TAF7: variants seen among roughly 807,000 people sequenced by gnomAD.
TAF7 encodes transcription initiation factor TFIID subunit 7.
In TAF7, 9 loss-of-function variants were observed where a neutral mutation model predicts 25.3. The observed-to-expected ratio is 0.36, with a 90% CI of 0.21 to 0.62. The LOEUF (loss-of-function observed/expected upper bound fraction) is 0.62. Ranked by LOEUF, TAF7 falls within the 20% of genes least tolerant of loss-of-function variation. TAF7 has a pLI of 0.72. For synonymous variants in TAF7, 127 were observed against 146.7 expected (o/e 0.87, Z 0.97); for missense variants, 311 against 410.6 (o/e 0.76, Z 2.10).
At position 141,318,996 on chromosome 5, in the gene TAF7, T is replaced by C. The variant is rs752268210; in HGVS notation, c.1049A>G (p.Ter350=). Residue 350 remains the stop codon, a stop_retained_variant, in exon 1 of 1, where the codon TAA becomes TGA. Coordinates refer to ENST00000313368, the MANE Select transcript of TAF7 (RefSeq NM_005642.3). The stretch of plus-strand genomic sequence containing the variant: ...ACTGAAATTAAATATCAGTTCTTTT[T>C]ACTTCTCTAGGAGTGATTCTAGCTC... ...QEELESLLEK[*] 2 of 1,579,802 alleles carry C rather than the reference T, an allele frequency of 1.3e-6. No individual in the cohort carries two copies. The highest frequency in any genetic ancestry group is 1.2e-5 in the South Asian group (1 of 85,556).
In TAF7 at chr5:141,319,526, A is replaced by G. The variant is rs899556128; in HGVS notation, c.519T>C (p.Asp173=). Residue 173 remains aspartate (D), a synonymous_variant, in exon 1 of 1, where the codon GAT becomes GAC. Transcript: ENST00000313368. This position sits in a 1 kb window ranked among gnomAD's most constrained non-coding sequence, Gnocchi z 5.3. The part of the protein sequence containing the change: ...EKEVKRLLST[D]AEAVSTRWEI... The stretch of plus-strand genomic sequence containing the variant: ...CCCACCGAGTACTAACAGCTTCAGC[A>G]TCTGTACTCAGCAATCGTTTCACTT... The G allele has an allele frequency of 1.2e-6, 2 of 1,614,154 alleles. No homozygotes were observed. The highest frequency in any genetic ancestry group is 8.5e-7 in the Non-Finnish European group (1 of 1,180,022).
In TAF7 at chr5:141,320,727, C is replaced by G. The variant is rs1381832806; in HGVS notation, c.-683G>C. On this transcript the variant is annotated 5_prime_UTR_variant, in exon 1 of 1. Coordinates refer to ENST00000313368, the MANE Select transcript of TAF7 (RefSeq NM_005642.3). ...TGCCGAGAGGCGCAGCTCGCATCACCAGACCCCGCACCTCGCCGGCCCTCC... is the reference window on the plus strand; with the variant it reads ...TGCCGAGAGGCGCAGCTCGCATCACGAGACCCCGCACCTCGCCGGCCCTCC... The G allele has an allele frequency of 1.2e-5, 2 of 167,220 alleles. No homozygotes were observed. Among genetic ancestry groups the G allele is most frequent in the Non-Finnish European group, 2.9e-5 (2 of 68,200 alleles). 10.4% of individuals were successfully genotyped at this position (167,220 alleles called of 1,614,324 possible).
At position 141,319,819 on chromosome 5, in the gene TAF7, T is replaced by C; in HGVS notation, c.226A>G (p.Ser76Gly). 1 of 1,614,180 alleles carries C rather than the reference T, an allele frequency of 6.2e-7. No individual in the cohort carries two copies. The highest frequency in any genetic ancestry group is 8.5e-7 in the Non-Finnish European group (1 of 1,180,042). The change falls in exon 1 of 1, where the codon AGC (serine) becomes GGC (glycine). Residue 76 changes from serine to glycine, a missense_variant. Around this residue, in one of 3 missense-constraint regions of TAF7, gnomAD observed 119 missense variants for 159.3 expected, o/e 0.75. Transcript: ENST00000313368. The surrounding 1 kb of genome is among the most constrained non-coding windows in gnomAD (Gnocchi z 5.3). ...GTTTTTTTATCAATGGTTTTCAAGC[T>C]TTCCATAACACAGGGCAGGTCTACT... ...KLVDLPCVME[S>G]LKTIDKKTFY...
At position 141,319,577 on chromosome 5, in the gene TAF7, A is replaced by G; in HGVS notation, c.468T>C (p.Tyr156=). 3.1e-6 allele frequency: 5 copies of G among 1,613,962 alleles called. No homozygotes were observed. The highest frequency in any genetic ancestry group is 4.2e-6 in the Non-Finnish European group (5 of 1,180,008). Residue 156 remains tyrosine (Y), a synonymous_variant, in exon 1 of 1, where the codon TAT becomes TAC. Coordinates refer to ENST00000313368, the MANE Select transcript of TAF7 (RefSeq NM_005642.3). This position sits in a 1 kb window ranked among gnomAD's most constrained non-coding sequence, Gnocchi z 5.3. ...CTTTTTCAACATCTGGAGATTCAAT[A>G]TATTTCTTCTTTGCTGTCTTCCGGA... The part of the protein sequence containing the change: ...RRFRKTAKKK[Y]IESPDVEKEV...
chr5:141,319,355 A>ACTG lies in TAF7; in HGVS notation c.687_689dup (p.Ser230dup), dbSNP rs762278852. 3.1e-6 allele frequency: 5 copies of ACTG among 1,613,616 alleles called. No homozygotes were observed. The Admixed American group carries it at 6.7e-5, about 22-fold the overall frequency. On this transcript the variant is annotated inframe_insertion, in exon 1 of 1. Coordinates refer to ENST00000313368, the MANE Select transcript of TAF7 (RefSeq NM_005642.3). This position sits in a 1 kb window ranked among gnomAD's most constrained non-coding sequence, Gnocchi z 5.3. ...GATGCTGGGTCTCATCTTCATCCTC[A>ACTG]CTGCTGCTGCTGAGGTCATTGAATA...
rs567362210 is a variant in TAF7 at position 141,318,537 on chromosome 5, A to G, written c.*458T>C. The G allele has an allele frequency of 7.8e-5, 12 of 153,204 alleles. No homozygotes were observed. Among genetic ancestry groups the G allele is most frequent in the African/African-American group, 2.9e-4 (12 of 41,610 alleles). 9.5% of individuals were successfully genotyped at this position (153,204 alleles called of 1,614,324 possible). A position where few individuals can be genotyped will look rare whatever the true frequency, so the allele number is the denominator to read the frequency against. On this transcript the variant is annotated 3_prime_UTR_variant, in exon 1 of 1. Coordinates refer to ENST00000313368, the MANE Select transcript of TAF7 (RefSeq NM_005642.3). The stretch of plus-strand genomic sequence containing the variant: ...TATTTATTGTATTGGAAACAACTTA[A>G]TAATTTGCATCTCTACATATAGAAA...
rs760277340 is a variant in TAF7, at chr5:141,319,274, T to C, written c.771A>G (p.Leu257=). 11 of 1,614,104 alleles carry C rather than the reference T, an allele frequency of 6.8e-6. No individual in the cohort carries two copies. The African/African-American group carries it at 9.3e-5, about 14-fold the overall frequency. ...CATCTGATTCATTTAGCTTGTCCTG[T>C]AGCTGTCTCTCCAGATCTTCCTCCG... ...IDTEEDLERQ[L]QDKLNESDEQ... The change falls in exon 1 of 1, where the codon CTA becomes CTG. Residue 257 remains leucine, a synonymous_variant. Transcript: ENST00000313368. The surrounding 1 kb of genome is among the most constrained non-coding windows in gnomAD (Gnocchi z 5.3).
rs976541711 is a variant in TAF7 at position 141,318,898 on chromosome 5, G to A, written c.*97C>T. 1.9e-6 allele frequency: 2 copies of A among 1,052,694 alleles called. No homozygotes were observed. The highest frequency in any genetic ancestry group is 1.3e-6 in the Non-Finnish European group (1 of 748,482). 65.2% of individuals were successfully genotyped at this position (1,052,694 alleles called of 1,614,324 possible). ...CTTAACAGAACACACAGCATTAAAA[G>A]GACTAGGAAGAGCAAGGTCTTAATA... On this transcript the variant is annotated 3_prime_UTR_variant, in exon 1 of 1. Transcript: ENST00000313368.
rs1756126102 is a variant in TAF7 at position 141,319,505 on chromosome 5, C to A, written c.540G>T (p.Arg180=). 1.2e-6 allele frequency: 2 copies of A among 1,614,036 alleles called. No homozygotes were observed. The highest frequency in any genetic ancestry group is 1.3e-5 in the African/African-American group (1 of 74,906). ...LSTDAEAVST[R]WEIIAEDETK... is the part of the protein sequence containing the mutation. ...TTTCATCTTCGGCAATTATTTCCCACCGAGTACTAACAGCTTCAGCATCTG... is the reference window on the plus strand; with the variant it reads ...TTTCATCTTCGGCAATTATTTCCCAACGAGTACTAACAGCTTCAGCATCTG... Residue 180 remains arginine, a synonymous_variant, in exon 1 of 1, where the codon CGG becomes CGT. Coordinates refer to ENST00000313368, the MANE Select transcript of TAF7 (RefSeq NM_005642.3). This position sits in a 1 kb window ranked among gnomAD's most constrained non-coding sequence, Gnocchi z 5.3.
At position 141,318,692 on chromosome 5, in the gene TAF7, A is replaced by C. The variant is rs2149709694; in HGVS notation, c.*303T>G. ...AAAGCAGCAACAGCAGCTTCTAGAA[A>C]ATGGAGAAACAGTAAAGTCCTGCAA... On this transcript the variant is annotated 3_prime_UTR_variant, in exon 1 of 1. Coordinates refer to ENST00000313368, the MANE Select transcript of TAF7 (RefSeq NM_005642.3). 1 of 216,432 alleles carries C rather than the reference A, an allele frequency of 4.6e-6. No homozygotes were observed. Among genetic ancestry groups the C allele is most frequent in the Admixed American group, 5.5e-5 (1 of 18,168 alleles). 13.4% of individuals were successfully genotyped at this position (216,432 alleles called of 1,614,324 possible). A position where few individuals can be genotyped will look rare whatever the true frequency, so the allele number is the denominator to read the frequency against.
Position 141,319,987 on chromosome 5 carries a change from G to C in TAF7, c.58C>G (p.Leu20Val). 5 of 1,614,150 alleles carry C rather than the reference G, an allele frequency of 3.1e-6. No homozygotes were observed. Among genetic ancestry groups the C allele is most frequent in the Non-Finnish European group, 3.4e-6 (4 of 1,180,028 alleles). The change falls in exon 1 of 1, where the codon CTG (leucine) becomes GTG (valine). Residue 20 changes from leucine (L) to valine (V), a missense_variant. By Grantham distance (32) the Leu-to-Val change is conservative. Around this residue, in one of 3 missense-constraint regions of TAF7, gnomAD observed 119 missense variants for 159.3 expected, o/e 0.75. Coordinates refer to ENST00000313368, the MANE Select transcript of TAF7 (RefSeq NM_005642.3). This position sits in a 1 kb window ranked among gnomAD's most constrained non-coding sequence, Gnocchi z 5.3. The part of the protein sequence containing the change: ...HELESQFILR[L>V]PPEYASTVRR... ...ACAGTAGAGGCATATTCTGGAGGCAGACGTAAGATAAACTGGCTCTCCAGT... is the reference window on the plus strand; with the variant it reads ...ACAGTAGAGGCATATTCTGGAGGCACACGTAAGATAAACTGGCTCTCCAGT...
chr5:141,318,840 G>T lies in TAF7; in HGVS notation c.*155C>A. Reference sequence around the variant, plus strand: ...ACACCTAGCAAAACAATATAAATTTGCTGAAAAACAAAATTACAAACAAAT... The same window carrying T: ...ACACCTAGCAAAACAATATAAATTTTCTGAAAAACAAAATTACAAACAAAT... On this transcript the variant is annotated 3_prime_UTR_variant, in exon 1 of 1. Coordinates refer to ENST00000313368, the MANE Select transcript of TAF7 (RefSeq NM_005642.3). 1 of 662,654 alleles carries T rather than the reference G, an allele frequency of 1.5e-6. No individual in the cohort carries two copies. Among genetic ancestry groups the T allele is most frequent in the Non-Finnish European group, 2.4e-6 (1 of 418,878 alleles). 41.0% of individuals were successfully genotyped at this position (662,654 alleles called of 1,614,324 possible).
chr5:141,318,940 C>G lies in TAF7; in HGVS notation c.*55G>C. The G allele has an allele frequency of 6.8e-7, 1 of 1,466,590 alleles. No individual in the cohort carries two copies. The highest frequency in any genetic ancestry group is 9.1e-7 in the Non-Finnish European group (1 of 1,101,952). 90.8% of individuals were successfully genotyped at this position (1,466,590 alleles called of 1,614,324 possible). On this transcript the variant is annotated 3_prime_UTR_variant, in exon 1 of 1. Transcript: ENST00000313368. Reference sequence around the variant, plus strand: ...GTCTTAATACCCAGTACAATAAAGCCAAGAATTTTCTAATGCTGACCAGTC... The same window carrying G: ...GTCTTAATACCCAGTACAATAAAGCGAAGAATTTTCTAATGCTGACCAGTC...
chr5:141,320,411 TC>T lies in TAF7; in HGVS notation c.-368del, dbSNP rs758671841. 2.7e-4 allele frequency: 52 copies of T among 194,356 alleles called. 1 individual carries two copies. Among genetic ancestry groups the T allele is most frequent in the Non-Finnish European group, 5.4e-4 (46 of 84,830 alleles). 12.0% of individuals were successfully genotyped at this position (194,356 alleles called of 1,614,324 possible). ...AATGGCGGCTCCCCCGGAACGGTTT[TC>T]GGCCCAGAAAGCCCAGCAGAGATAC... On this transcript the variant is annotated 5_prime_UTR_variant, in exon 1 of 1. Coordinates refer to ENST00000313368, the MANE Select transcript of TAF7 (RefSeq NM_005642.3).
At position 141,320,705 on chromosome 5, in the gene TAF7, CGA is replaced by C. The variant is rs1293242905; in HGVS notation, c.-663_-662del. On this transcript the variant is annotated 5_prime_UTR_variant, in exon 1 of 1. The change creates a premature stop within an existing upstream ORF in the 5' untranslated region. Transcript: ENST00000313368. The stretch of plus-strand genomic sequence containing the variant: ...CGGGATGGGCAGCGCGAAATCTTGC[CGA>C]GAGGCGCAGCTCGCATCACCAGACC... 1 of 167,186 alleles carries C rather than the reference CGA, an allele frequency of 6.0e-6. No individual in the cohort carries two copies. The highest frequency in any genetic ancestry group is 1.5e-5 in the Non-Finnish European group (1 of 68,176). The allele number at this position is 167,186 out of a possible 1,614,324, so 10.4% of individuals were successfully genotyped here. A position where few individuals can be genotyped will look rare whatever the true frequency, so the allele number is the denominator to read the frequency against.
chr5:141,320,731 C>G lies in TAF7; in HGVS notation c.-687G>C, dbSNP rs1293763938. ...GAGAGGCGCAGCTCGCATCACCAGACCCCGCACCTCGCCGGCCCTCCGTCC... is the reference window on the plus strand; with the variant it reads ...GAGAGGCGCAGCTCGCATCACCAGAGCCCGCACCTCGCCGGCCCTCCGTCC... On this transcript the variant is annotated 5_prime_UTR_variant, in exon 1 of 1. Transcript: ENST00000313368. 1.2e-5 allele frequency: 2 copies of G among 167,232 alleles called. No homozygotes were observed. The highest frequency in any genetic ancestry group is 2.4e-5 in the African/African-American group (1 of 41,482). The allele number at this position is 167,232 out of a possible 1,614,324, so 10.4% of individuals were successfully genotyped here. A position where few individuals can be genotyped will look rare whatever the true frequency, so the allele number is the denominator to read the frequency against.
rs1756124496 is a variant in TAF7, at chr5:141,319,405, A to G, written c.640T>C (p.Leu214=). The change falls in exon 1 of 1, where the codon TTA becomes CTA. Residue 214 remains leucine (L), a synonymous_variant. Transcript: ENST00000313368. The surrounding 1 kb of genome is among the most constrained non-coding windows in gnomAD (Gnocchi z 5.3). ...ATCTCCCGAAGCTCATCATGTTCTAATGAGTCATGGCCCTGCCTGTGACCA... is the reference window on the plus strand; with the variant it reads ...ATCTCCCGAAGCTCATCATGTTCTAGTGAGTCATGGCCCTGCCTGTGACCA... ...MSGHRQGHDS[L]EHDELREIFN... The G allele has an allele frequency of 1.2e-6, 2 of 1,614,070 alleles. No homozygotes were observed. The highest frequency in any genetic ancestry group is 1.7e-6 in the Non-Finnish European group (2 of 1,180,012).
chr5:141,319,521 T>C lies in TAF7; in HGVS notation c.524A>G (p.Glu175Gly). Reference protein sequence around the residue: ...EVKRLLSTDAEAVSTRWEIIA... With the variant: ...EVKRLLSTDAGAVSTRWEIIA... ...TATTTCCCACCGAGTACTAACAGCT[T>C]CAGCATCTGTACTCAGCAATCGTTT... is the stretch of plus-strand genomic sequence containing the variant. The change falls in exon 1 of 1, where the codon GAA (glutamate) becomes GGA (glycine). Residue 175 changes from glutamate to glycine, a missense_variant. Around this residue, in one of 3 missense-constraint regions of TAF7, gnomAD observed 179 missense variants for 206.7 expected, o/e 0.87. Coordinates refer to ENST00000313368, the MANE Select transcript of TAF7 (RefSeq NM_005642.3). This position sits in a 1 kb window ranked among gnomAD's most constrained non-coding sequence, Gnocchi z 5.3. 6.2e-7 allele frequency: 1 copy of C among 1,614,220 alleles called. No individual in the cohort carries two copies. Among genetic ancestry groups the C allele is most frequent in the Non-Finnish European group, 8.5e-7 (1 of 1,180,034 alleles).
chr5:141,319,698 G>A lies in TAF7; in HGVS notation c.347C>T (p.Pro116Leu), dbSNP rs764209405. ...PVEEPVASTD[P>L]KASKKKDKDK... is the part of the protein sequence containing the mutation. Reference sequence around the variant, plus strand: ...CTTATCCTTTTTCTTGCTTGCTTTAGGATCAGTGCTAGCAACTGGCTCCTC... The same window carrying A: ...CTTATCCTTTTTCTTGCTTGCTTTAAGATCAGTGCTAGCAACTGGCTCCTC... Residue 116 changes from proline (P) to leucine (L), a missense_variant, in exon 1 of 1, where the codon CCT (proline) becomes CTT (leucine). Coordinates refer to ENST00000313368, the MANE Select transcript of TAF7 (RefSeq NM_005642.3). The surrounding 1 kb of genome is among the most constrained non-coding windows in gnomAD (Gnocchi z 5.3). The A allele has an allele frequency of 1.2e-6, 2 of 1,614,026 alleles. No individual in the cohort carries two copies. The highest frequency in any genetic ancestry group is 1.1e-5 in the South Asian group (1 of 91,070).
Sources: gnomAD v4.1 joint callset for allele counts on GRCh38, gnomAD v4.1.1 for gene constraint, gnomAD v4.1.1 regional missense constraint, Gnocchi (gnomAD v3.1) non-coding constraint, MANE v1.5 for transcripts, NCBI Gene and HGNC (gene_info 2026-07-23, HGNC 2026-07-21) for gene names.